Variants in MAP4K3 observed in about 807,000 individuals in gnomAD.
MAP4K3 encodes mitogen-activated protein kinase kinase kinase kinase 3.
MAP4K3 carries 94 observed loss-of-function variants against 143.5 expected under a neutral mutation model. That is an observed-to-expected ratio of 0.65 (90% CI 0.55 to 0.78). MAP4K3 has a LOEUF of 0.78. Ranked by LOEUF, MAP4K3 falls within the 30% of genes least tolerant of loss-of-function variation. MAP4K3 has a pLI of 0.00. For synonymous variants in MAP4K3, 416 were observed against 347.2 expected, an observed-to-expected ratio of 1.20 and a Z score of -2.20; for missense variants, 1,077 against 1,068.1, an observed-to-expected ratio of 1.01 and a Z score of -0.12.
intron 12 of MAP4K3, among the ~76,000 whole-genome samples, chr2:39,319,246 C>T (rs1353823540): frequency 6.6e-6 from 1 of 150,586 alleles, no homozygotes; most frequent in Non-Finnish European, 1.5e-5. Flanking sequence ...TTTTTTTAAA[C>T]CACAACTACA....
intron 1 of MAP4K3, among the ~76,000 whole-genome samples, chr2:39,397,358 CAA>C (rs1295936148): frequency 6.6e-6 from 1 of 152,138 alleles, no homozygotes; most frequent in East Asian, 1.9e-4. Flanking sequence ...ATAATACAAA[CAA>C]CAGCAAAAAT....
chr2:39,384,718 T>C (rs1034381316), intron 1 of MAP4K3, among the ~76,000 whole-genome samples: 4 of 152,262 alleles, frequency 2.6e-5, no homozygotes, highest in East Asian at 1.9e-4. Context: ...TTTTGTTTAA[T>C]TGTACGTGTG....
chr2:39,434,032 A>T (rs1665376414), intron 1 of MAP4K3, among the ~76,000 whole-genome samples: 1 of 152,212 alleles, frequency 6.6e-6, no homozygotes, highest in Non-Finnish European at 1.5e-5. Flanking sequence ...TTTGGAACTA[A>T]ACCACGCCAC....
intron 7 of MAP4K3, 91 bp from the exon 8 acceptor site, chr2:39,332,080 ATTAAG>A (rs1683703202): frequency 1.6e-6 from 1 of 641,060 alleles, no homozygotes; most frequent in Non-Finnish European, 2.6e-6. Flanking sequence ...AGTTATTTTT[ATTAAG>A]TTAATTTTAC....
Position 39,329,349 on chromosome 2 carries a change from T to C in MAP4K3, c.530+2568A>G, listed in dbSNP as rs118054371. On this transcript the variant is annotated intron_variant, in intron 8 of 33. Coordinates refer to ENST00000263881, the MANE Select transcript of MAP4K3 (RefSeq NM_003618.4). ...CAAAGAGAAATATATACACATACCATCTTTGAAAAGTCCAGCAGACATATT... is the reference window on the plus strand; with the variant it reads ...CAAAGAGAAATATATACACATACCACCTTTGAAAAGTCCAGCAGACATATT... Among the ~76,000 whole-genome samples the C allele has an allele frequency of 1.5e-3, 223 of 152,250 alleles. 6 individuals carry two copies. The East Asian group carries it at 0.027, about 18-fold the overall frequency.
In MAP4K3 at chr2:39,309,512, T is replaced by C. The variant is rs1317737656; in HGVS notation, c.1005A>G (p.Gln335=). ...EKTRSEITFG[Q]VKFDPPLRKE... Reference sequence around the variant, plus strand: ...TTCTTAAGGGTGGATCAAATTTCACTTGGCCAACTAAAAAAGAAAAAAAAG... The same window carrying C: ...TTCTTAAGGGTGGATCAAATTTCACCTGGCCAACTAAAAAAGAAAAAAAAG... The change falls in exon 14 of 34, where the codon CAA becomes CAG. Residue 335 remains glutamine, a synonymous_variant. Transcript: ENST00000263881. 1.9e-6 allele frequency: 3 copies of C among 1,560,662 alleles called. No homozygotes were observed. The highest frequency in any genetic ancestry group is 2.6e-6 in the Non-Finnish European group (3 of 1,147,362).
chr2:39,292,970 A>G, intron 17 of MAP4K3, 144 bp from the exon 18 acceptor site: 1 of 751,172 alleles, frequency 1.3e-6, no homozygotes, highest in Non-Finnish European at 2.2e-6. Flanking sequence ...CAGAATTAAA[A>G]CAAGGAACTG....
chr2:39,297,745 C>T (rs1682341846), intron 16 of MAP4K3, among the ~76,000 whole-genome samples: 1 of 152,132 alleles, frequency 6.6e-6, no homozygotes, highest in African/African-American at 2.4e-5. Flanking sequence ...TACATCCATG[C>T]TCATGTCACA....
At chr2:39,333,488 CT>C in intron 7 of MAP4K3, 43 bp downstream of exon 7, 1 of 1,468,240 alleles carries the variant, frequency 6.8e-7, no homozygotes, top group Non-Finnish European at 9.5e-7. Context: ...TTTACTATAT[CT>C]TAGAATAGAT....
chr2:39,368,448 C>T (rs1665986239), intron 2 of MAP4K3, among the ~76,000 whole-genome samples: 1 of 152,080 alleles, frequency 6.6e-6, no homozygotes, highest in Admixed American at 6.6e-5. Flanking sequence ...AGGACAATCA[C>T]TTGAGGCCAG....
At chr2:39,324,920 C>A (rs936008662) in intron 12 of MAP4K3, among the ~76,000 whole-genome samples, 7 of 152,176 alleles carry the variant, frequency 4.6e-5, no homozygotes, top group Admixed American at 4.6e-4. Context: ...GAGTTTTAGT[C>A]ACTGGCAAAG....
chr2:39,300,051 C>T (rs1014995638), intron 15 of MAP4K3, among the ~76,000 whole-genome samples: 2 of 151,860 alleles, frequency 1.3e-5, no homozygotes, highest in African/African-American at 4.8e-5. Context: ...GTTACTGTTA[C>T]TTTAATTAAC....
rs190492876 is a variant in MAP4K3, at chr2:39,435,194, C to G, written c.96+1698G>C. Among the ~76,000 whole-genome samples the G allele has an allele frequency of 2.0e-4, 29 of 144,288 alleles. 1 individual carries two copies. In the Admixed American group the frequency reaches 2.1e-3, roughly 11 times the overall value. The allele number at this position is 144,288 out of a possible 152,430, so 94.7% of individuals were successfully genotyped here. ...ATATTCCTTAACACCATTATTCTTA[C>G]CTAGACTATCACAGTGGCCTCCCAA... is the stretch of plus-strand genomic sequence containing the variant. On this transcript the variant is annotated intron_variant, in intron 1 of 33. Transcript: ENST00000263881.
intron 1 of MAP4K3, among the ~76,000 whole-genome samples, chr2:39,378,894 TTATA>T (rs1666290298): frequency 6.6e-6 from 1 of 151,388 alleles, no homozygotes; most frequent in African/African-American, 2.4e-5. Context: ...ACAATATATA[TTATA>T]TATAATACAC....
At chr2:39,344,125 A>G (rs982807564) in intron 3 of MAP4K3, among the ~76,000 whole-genome samples, 16 of 152,234 alleles carry the variant, frequency 1.1e-4, no homozygotes, top group Admixed American at 9.8e-4. Context: ...AATGCAGAAG[A>G]AAGATTCTAC....
At chr2:39,391,358 C>CAAAAAAAAAAAAAA (rs755777714) in intron 1 of MAP4K3, among the ~76,000 whole-genome samples, 6 of 45,420 alleles carry the variant, frequency 1.3e-4, no homozygotes, top group Non-Finnish European at 1.9e-4. Flanking sequence ...GACTCCATCT[C>CAAAAAAAAAAAAAA]AAAAAAAAAA....
At chr2:39,411,704 C>G (rs1008924966) in intron 1 of MAP4K3, among the ~76,000 whole-genome samples, 3 of 152,092 alleles carry the variant, frequency 2.0e-5, no homozygotes. Context: ...TTCATGAGCA[C>G]AGAAGTTTGT....
In MAP4K3 at chr2:39,317,267, T is replaced by C. The variant is rs577837902; in HGVS notation, c.919-1879A>G. Among the ~76,000 whole-genome samples, 216 of 152,274 alleles carry C rather than the reference T, an allele frequency of 1.4e-3. 1 individual carries two copies. Among genetic ancestry groups the C allele is most frequent in the Non-Finnish European group, 1.2e-3 (84 of 68,008 alleles). ...ACAATATACAAAAATCAACTCAAGA[T>C]GGATTACAGACTTAAATGTAAAATC... On this transcript the variant is annotated intron_variant, in intron 12 of 33. Coordinates refer to ENST00000263881, the MANE Select transcript of MAP4K3 (RefSeq NM_003618.4).
In MAP4K3 at chr2:39,258,604, T is replaced by C. The variant is rs368491317; in HGVS notation, c.2309-17A>G. The C allele has an allele frequency of 3.8e-4, 599 of 1,592,790 alleles. No homozygotes were observed. The highest frequency in any genetic ancestry group is 7.5e-4 in the South Asian group (68 of 90,282). Reference sequence around the variant, plus strand: ...GTGGGGTATCTACAATACAAACAAATTTTGGTAAACCTACAGAAACTGTGA... The same window carrying C: ...GTGGGGTATCTACAATACAAACAAACTTTGGTAAACCTACAGAAACTGTGA... On this transcript the variant is annotated splice_polypyrimidine_tract_variant and intron_variant, in intron 29 of 33. Coordinates refer to ENST00000263881, the MANE Select transcript of MAP4K3 (RefSeq NM_003618.4).
Sources: gnomAD v4.1 joint callset for allele counts (sites outside exome capture counted in the v4.1 genomes callset) on GRCh38, gnomAD v4.1.1 for gene constraint, MANE v1.5 for transcripts, NCBI Gene and HGNC (gene_info 2026-07-23, HGNC 2026-07-21) for gene names.